PIK3R5: variants seen among roughly 807,000 people sequenced by gnomAD.
The protein encoded by PIK3R5 is phosphoinositide 3-kinase regulatory subunit 5.
Under a neutral mutation model 94.9 loss-of-function variants are expected in PIK3R5, and 32 were observed. That is an observed-to-expected ratio of 0.34 (90% CI 0.25 to 0.45). The LOEUF is 0.45. PIK3R5 is among the 20% of genes least tolerant of loss of function. PIK3R5 has a pLI of 1.00. For missense variants in PIK3R5, 853 were observed against 1,144.6 expected (o/e 0.75, Z 3.68); for synonymous variants, 443 against 479.4 (o/e 0.92, Z 0.99).
chr17:8,952,853 G>A (rs1415670092), intron 1 of PIK3R5, among the ~76,000 whole-genome samples: 1 of 152,268 alleles, frequency 6.6e-6, no homozygotes, highest in East Asian at 1.9e-4. Flanking sequence ...GAGGAGGGGA[G>A]ATGGGACCCT....
rs1197194466 is a variant in PIK3R5 at position 8,893,267 on chromosome 17, T to C, written c.482+319A>G. 6.6e-6 allele frequency among the ~76,000 whole-genome samples: 1 copy of C among 152,178 alleles called. No individual in the cohort carries two copies. Among genetic ancestry groups the C allele is most frequent in the Non-Finnish European group, 1.5e-5 (1 of 68,036 alleles). ...CGCTGTGTGACCTTGGGGAAGTTGC[T>C]TGACCTCTCTGACCTCCAGTTCCTC... is the stretch of plus-strand genomic sequence containing the variant. On this transcript the variant is annotated intron_variant, in intron 6 of 18. Coordinates refer to ENST00000447110, the MANE Select transcript of PIK3R5 (RefSeq NM_001142633.3). This position sits in a 1 kb window ranked among gnomAD's most constrained non-coding sequence, Gnocchi z 5.1.
intron 5 of PIK3R5, among the ~76,000 whole-genome samples, chr17:8,903,335 G>T (rs2090330462): frequency 6.6e-6 from 1 of 151,052 alleles, no homozygotes. Context: ...TACCCATAGT[G>T]TACTATTTTA....
At position 8,905,710 on chromosome 17, in the gene PIK3R5, G is replaced by A; in HGVS notation, c.232C>T (p.Leu78Phe). The change falls in exon 4 of 19, where the codon CTC (leucine) becomes TTC (phenylalanine). Residue 78 changes from leucine to phenylalanine, a missense_variant. Around this residue, in one of 6 missense-constraint regions of PIK3R5, gnomAD observed 108 missense variants for 170.1 expected, o/e 0.63. Coordinates refer to ENST00000447110, the MANE Select transcript of PIK3R5 (RefSeq NM_001142633.3). ...TAGAAGAGCAGGGCCAGCGGGGTGA[G>A]CAGGTCGTAGGTGCCCTTCTCCTGG... is the stretch of plus-strand genomic sequence containing the variant. The part of the protein sequence containing the change: ...EVQEKGTYDL[L>F]TPLALLFYST... The A allele has an allele frequency of 6.2e-7, 1 of 1,606,466 alleles. No homozygotes were observed. Among genetic ancestry groups the A allele is most frequent in the Non-Finnish European group, 8.5e-7 (1 of 1,176,596 alleles).
rs1411162685 is a variant in PIK3R5, at chr17:8,911,119, G to C, written c.103+273C>G. On this transcript the variant is annotated intron_variant, in intron 2 of 18. Transcript: ENST00000447110. This position sits in a 1 kb window ranked among gnomAD's most constrained non-coding sequence, Gnocchi z 5.3. The stretch of plus-strand genomic sequence containing the variant: ...ATCAGCAGTTGTGGTTTTCTAAGCA[G>C]ATTCGATGGATTCTTCCAGAAGTAA... Among the ~76,000 whole-genome samples the C allele has an allele frequency of 6.6e-6, 1 of 152,210 alleles. No homozygotes were observed. Among genetic ancestry groups the C allele is most frequent in the Non-Finnish European group, 1.5e-5 (1 of 68,030 alleles).
Position 8,887,504 on chromosome 17 carries a change from C to T in PIK3R5, c.1779+17G>A. 6.3e-7 allele frequency: 1 copy of T among 1,595,520 alleles called. No homozygotes were observed. The highest frequency in any genetic ancestry group is 2.3e-5 in the East Asian group (1 of 44,202). On this transcript the variant is annotated intron_variant, in intron 11 of 18. Coordinates refer to ENST00000447110, the MANE Select transcript of PIK3R5 (RefSeq NM_001142633.3). ...AACTCTACTTTCCCCGACCATTGGC[C>T]CAGGCTGGGGACATACTCCAGGGCT...
chr17:8,962,482 T>G (rs997021112), intron 1 of PIK3R5, among the ~76,000 whole-genome samples: 6 of 152,214 alleles, frequency 3.9e-5, no homozygotes, highest in African/African-American at 1.4e-4. Context: ...TTCTGATACT[T>G]AGAAGGTAGA....
intron 1 of PIK3R5, among the ~76,000 whole-genome samples, chr17:8,965,358 G>A (rs2091650418): frequency 6.6e-6 from 1 of 152,226 alleles, no homozygotes; most frequent in Non-Finnish European, 1.5e-5. Flanking sequence ...ATAACGATAA[G>A]TGGTCCCCGC....
intron 1 of PIK3R5, among the ~76,000 whole-genome samples, chr17:8,913,334 C>T (rs560409162): frequency 4.6e-5 from 7 of 152,174 alleles, no homozygotes; most frequent in Non-Finnish European, 1.0e-4. Flanking sequence ...GCCAGGGCGC[C>T]GGGCTGGCCC....
At chr17:8,949,799 A>G (rs903783285) in intron 1 of PIK3R5, among the ~76,000 whole-genome samples, 1 of 152,198 alleles carries the variant, frequency 6.6e-6, no homozygotes, top group Admixed American at 6.6e-5. Flanking sequence ...ATAAAAGGCT[A>G]CACATTAGGT....
intron 1 of PIK3R5, among the ~76,000 whole-genome samples, chr17:8,933,140 T>C (rs530773150): frequency 6.6e-6 from 1 of 152,314 alleles, no homozygotes; most frequent in East Asian, 1.9e-4. Context: ...TAAAATTCTA[T>C]ATCCAGTGGA....
In PIK3R5 at chr17:8,909,257, A is replaced by G; in HGVS notation, c.104-83T>C. 1 of 767,124 alleles carries G rather than the reference A, an allele frequency of 1.3e-6. No individual in the cohort carries two copies. Among genetic ancestry groups the G allele is most frequent in the Non-Finnish European group, 2.2e-6 (1 of 454,814 alleles). The allele number at this position is 767,124 out of a possible 1,614,324, so 47.5% of individuals were successfully genotyped here. ...CAGGGGCTGTAAAGAAGGGGCATTT[A>G]TGCTGGAACATTTTTCTGTGGTATT... On this transcript the variant is annotated intron_variant, in intron 2 of 18. Transcript: ENST00000447110. The surrounding 1 kb of genome is among the most constrained non-coding windows in gnomAD (Gnocchi z 4.3).
intron 3 of PIK3R5, among the ~76,000 whole-genome samples, chr17:8,907,610 G>C (rs920187807): frequency 5.6e-5 from 8 of 143,132 alleles, no homozygotes; most frequent in Non-Finnish European, 1.2e-4. Context: ...TCCTGCATTG[G>C]TTTTTATCTT....
At chr17:8,887,755 G>A in intron 10 of PIK3R5, 72 bp from the exon 11 acceptor site, 6 of 1,430,722 alleles carry the variant, frequency 4.2e-6, no homozygotes, top group Non-Finnish European at 5.7e-6. Context: ...CACTTTGGGA[G>A]GCTGAGGTGG....
chr17:8,880,592 G>A lies in PIK3R5; in HGVS notation c.*47C>T, dbSNP rs772758361. On this transcript the variant is annotated 3_prime_UTR_variant, in exon 19 of 19. Transcript: ENST00000447110. The stretch of plus-strand genomic sequence containing the variant: ...GAGGGACTGTCCTGGAGGGGTGGCC[G>A]AGGAGGTTGCCCCAGGGCTTCTGTC... 80 of 1,535,278 alleles carry A rather than the reference G, an allele frequency of 5.2e-5. No homozygotes were observed. The highest frequency in any genetic ancestry group is 1.9e-4 in the Middle Eastern group (1 of 5,324).
chr17:8,881,738 G>C lies in PIK3R5; in HGVS notation c.2300-26C>G. ...CTGAGGGGCAAGGACACTCAGGCCAGGCTCAGAGCACCTCCCTACTGCACA... is the reference window on the plus strand; with the variant it reads ...CTGAGGGGCAAGGACACTCAGGCCACGCTCAGAGCACCTCCCTACTGCACA... On this transcript the variant is annotated intron_variant, in intron 16 of 18. Transcript: ENST00000447110. The surrounding 1 kb of genome is among the most constrained non-coding windows in gnomAD (Gnocchi z 4.8). 6.2e-7 allele frequency: 1 copy of C among 1,613,200 alleles called. No homozygotes were observed. The highest frequency in any genetic ancestry group is 8.5e-7 in the Non-Finnish European group (1 of 1,179,242).
chr17:8,900,870 T>A (rs926813124), intron 5 of PIK3R5, among the ~76,000 whole-genome samples: 7 of 152,122 alleles, frequency 4.6e-5, no homozygotes, highest in African/African-American at 1.7e-4. Context: ...CAGCCGGTTC[T>A]ACTTGAAACT....
At chr17:8,942,248 C>T (rs1472454207) in intron 1 of PIK3R5, among the ~76,000 whole-genome samples, 11 of 152,142 alleles carry the variant, frequency 7.2e-5, no homozygotes, top group Admixed American at 1.3e-4. Flanking sequence ...GTGCCCCTTC[C>T]TATCTTGGCC....
chr17:8,893,589 G>C lies in PIK3R5; in HGVS notation c.479C>G (p.Thr160Ser). 1 of 1,613,326 alleles carries C rather than the reference G, an allele frequency of 6.2e-7. No homozygotes were observed. The highest frequency in any genetic ancestry group is 8.5e-7 in the Non-Finnish European group (1 of 1,179,312). ...GLPIRSHRSS[T>S]VTVLLLNPVE... Reference sequence around the variant, plus strand: ...TCCGTCCCCCAAGAGCACTCACACGGTGGAGCTGCGGTGACTCCTGATGGG... The same window carrying C: ...TCCGTCCCCCAAGAGCACTCACACGCTGGAGCTGCGGTGACTCCTGATGGG... Residue 160 changes from threonine (T) to serine (S), a missense_variant, in exon 6 of 19, where the codon ACC (threonine) becomes AGC (serine). Physicochemically the swap from Thr to Ser is moderately conservative, Grantham distance 58. Around this residue, in one of 6 missense-constraint regions of PIK3R5, gnomAD observed 161 missense variants for 249.5 expected, o/e 0.65. Transcript: ENST00000447110. This position sits in a 1 kb window ranked among gnomAD's most constrained non-coding sequence, Gnocchi z 5.1.
intron 1 of PIK3R5, chr17:8,912,603 A>G (rs962003391): frequency 2.6e-5 from 4 of 152,270 alleles, no homozygotes; most frequent in African/African-American, 9.6e-5. Context: ...CCTTCCGGGC[A>G]GACCCCTTCA....
Sources: gnomAD v4.1 joint callset for allele counts (sites outside exome capture counted in the v4.1 genomes callset) on GRCh38, gnomAD v4.1.1 for gene constraint, gnomAD v4.1.1 regional missense constraint, Gnocchi (gnomAD v3.1) non-coding constraint, MANE v1.5 for transcripts, NCBI Gene and HGNC (gene_info 2026-07-23, HGNC 2026-07-21) for gene names.